NUP214: variants seen among roughly 807,000 people sequenced by gnomAD.
The protein encoded by NUP214 is nuclear pore complex protein Nup214.
Under a neutral mutation model 196.2 loss-of-function variants are expected in NUP214, and 79 were observed. The observed-to-expected ratio is 0.40, with a 90% CI of 0.34 to 0.49. The LOEUF is 0.49. Ranked by LOEUF, NUP214 falls within the 20% of genes least tolerant of loss-of-function variation. The pLI is 0.58. For missense variants in NUP214, 2,468 were observed against 2,539.0 expected, an observed-to-expected ratio of 0.97 and a Z score of 0.60; for synonymous variants, 1,020 against 990.5, an observed-to-expected ratio of 1.03 and a Z score of -0.56.
chr9:131,167,456 C>T (rs200212671), intron 21 of NUP214: 1 of 152,206 alleles, frequency 6.6e-6, no homozygotes, highest in Non-Finnish European at 1.5e-5. Flanking sequence ...CCGTGTGTGT[C>T]TCTCGGAGCA....
intron 12 of NUP214, among the ~76,000 whole-genome samples, chr9:131,145,018 CAAAT>C (rs971111373): frequency 6.6e-6 from 1 of 152,080 alleles, no homozygotes; most frequent in African/African-American, 2.4e-5. Context: ...TTTTACGTTA[CAAAT>C]GTAGGAAATA....
intron 22 of NUP214, 86 bp from the exon 23 acceptor site, chr9:131,175,373 AG>A: frequency 6.9e-7 from 1 of 1,449,196 alleles, no homozygotes; most frequent in Non-Finnish European, 9.5e-7. Flanking sequence ...TTTTCCCTGC[AG>A]TCGAACATAA....
At position 131,228,304 on chromosome 9, in the gene NUP214, C is replaced by T; in HGVS notation, c.6047C>T (p.Thr2016Ile). The change falls in exon 33 of 36, where the codon ACT becomes ATT. Residue 2016 changes from threonine (T) to isoleucine (I), a missense_variant. Thr to Ile is a moderately conservative substitution (Grantham distance 89, BLOSUM62 -1). Transcript: ENST00000359428. ...GGAGGCAAAGTGTTCGGAGAGGGCA[C>T]TGCAGCTGCCAGCGCAGGAGGATTC... ...STGGKVFGEG[T>I]AAASAGGFGF... 6.3e-7 allele frequency: 1 copy of T among 1,598,076 alleles called. No homozygotes were observed.
rs1019161446 is a variant in NUP214 at position 131,214,546 on chromosome 9, G to A, written c.5593-666G>A. Among the ~76,000 whole-genome samples the A allele has an allele frequency of 5.0e-4, 76 of 152,168 alleles. 1 individual carries two copies. The highest frequency in any genetic ancestry group is 1.5e-4 in the Non-Finnish European group (10 of 68,030). ...TGAATGGCCCCTCAAATGTAGCCCA[G>A]TTGTTCTTTAAGAACCAGCTTCCAG... On this transcript the variant is annotated intron_variant, in intron 30 of 35. Transcript: ENST00000359428.
At chr9:131,192,458 A>G in intron 27 of NUP214, 166 bp downstream of exon 27, 1 of 453,894 alleles carries the variant, frequency 2.2e-6, no homozygotes, top group Middle Eastern at 5.4e-4. Flanking sequence ...GTTCTCATGT[A>G]AATCGATTTT....
At chr9:131,178,812 C>G (rs1201442476) in intron 24 of NUP214, among the ~76,000 whole-genome samples, 1 of 151,754 alleles carries the variant, frequency 6.6e-6, no homozygotes, top group Non-Finnish European at 1.5e-5. Context: ...TCCTCCCTCA[C>G]TTCCCTTCTC....
At chr9:131,157,004 A>G (rs1176726434) in intron 17 of NUP214, among the ~76,000 whole-genome samples, 10 of 152,100 alleles carry the variant, frequency 6.6e-5, no homozygotes, top group Non-Finnish European at 1.3e-4. Context: ...TTTGCTATGT[A>G]GCCCAGGAGT....
chr9:131,233,194 C>T (rs1834924421), intron 35 of NUP214, among the ~76,000 whole-genome samples: 1 of 151,826 alleles, frequency 6.6e-6, no homozygotes, highest in African/African-American at 2.4e-5. Flanking sequence ...CAAGAATTAG[C>T]CAGGCGTGGT....
chr9:131,159,209 C>T (rs779900916), intron 17 of NUP214, 174 bp from the exon 18 acceptor site: 10 of 600,518 alleles, frequency 1.7e-5, no homozygotes, highest in African/African-American at 5.6e-5. Context: ...CCACTACACC[C>T]GGCCTCATTT....
At chr9:131,128,535 C>G (rs754178937) in intron 3 of NUP214, 52 bp downstream of exon 3, 46 of 1,483,458 alleles carry the variant, frequency 3.1e-5, no homozygotes, top group Non-Finnish European at 3.9e-5. Context: ...AGCAGATTTC[C>G]TTGTATTGAA....
intron 17 of NUP214, among the ~76,000 whole-genome samples, chr9:131,157,303 G>A (rs1832482464): frequency 1.3e-5 from 2 of 151,880 alleles, no homozygotes; most frequent in Non-Finnish European, 2.9e-5. Flanking sequence ...TAGGACTACA[G>A]GCACACGCCA....
chr9:131,199,673 CA>C (rs1833891401), intron 29 of NUP214, among the ~76,000 whole-genome samples: 1 of 152,190 alleles, frequency 6.6e-6, no homozygotes, highest in African/African-American at 2.4e-5. Flanking sequence ...TATCAATAAG[CA>C]AGGCAATTTG....
At chr9:131,141,863 T>C (rs1229600019) in intron 11 of NUP214, 1 of 152,240 alleles carries the variant, frequency 6.6e-6, no homozygotes, top group African/African-American at 2.4e-5. Context: ...TGTGAGTATA[T>C]AACTGATACA....
In NUP214 at chr9:131,195,322, C is replaced by T. The variant is rs375694469; in HGVS notation, c.3721+28C>T. The T allele has an allele frequency of 1.2e-5, 19 of 1,577,616 alleles. No homozygotes were observed. In the African/African-American group the frequency reaches 2.6e-4, roughly 21 times the overall value. On this transcript the variant is annotated intron_variant, in intron 28 of 35. Coordinates refer to ENST00000359428, the MANE Select transcript of NUP214 (RefSeq NM_005085.4). ...ACAGACTCTGTGTTGAGTAGCATTA[C>T]TCATGTGTTTTCTCTAAATAAGTAC... is the stretch of plus-strand genomic sequence containing the variant.
In NUP214 at chr9:131,189,054, G is replaced by T; in HGVS notation, c.3497G>T (p.Gly1166Val). ...TPVAANQAKQ[G>V]SLINSLKPSG... The stretch of plus-strand genomic sequence containing the variant: ...CATTTTGCTTGCATTCTGTTATAGG[G>T]GTCTCTAATAAATTCCCTTAAGCCA... Residue 1166 changes from glycine (G) to valine (V), a missense_variant and splice_region_variant, in exon 26 of 36, where the codon GGG (glycine) becomes GTG (valine). By Grantham distance (109) the Gly-to-Val change is moderately radical. This residue lies in a region of NUP214 where 1,801 missense variants were observed against 1,779.4 expected (regional missense o/e 1.01). Transcript: ENST00000359428. 1 of 1,611,616 alleles carries T rather than the reference G, an allele frequency of 6.2e-7. No individual in the cohort carries two copies. Among genetic ancestry groups the T allele is most frequent in the Non-Finnish European group, 8.5e-7 (1 of 1,177,794 alleles).
At chr9:131,231,294 G>A (rs1462857421) in intron 34 of NUP214, among the ~76,000 whole-genome samples, 1 of 152,024 alleles carries the variant, frequency 6.6e-6, no homozygotes. Flanking sequence ...CCGGGTTCAC[G>A]CCATTCTCCT....
chr9:131,130,955 T>C (rs1463454147), intron 5 of NUP214, 119 bp downstream of exon 5: 2 of 724,636 alleles, frequency 2.8e-6, no homozygotes, highest in Non-Finnish European at 4.7e-6. Context: ...TTGTAACAAA[T>C]CCATCAGTGA....
Position 131,234,007 on chromosome 9 carries a change from C to T in NUP214, c.*520C>T, listed in dbSNP as rs544548708. ...CAGGACCATCCAAGGACGCACTCTG[C>T]GATTGAGTGGAGGCAGAGGAAGCCA... On this transcript the variant is annotated 3_prime_UTR_variant, in exon 36 of 36. Transcript: ENST00000359428. 5.0e-5 allele frequency: 13 copies of T among 259,146 alleles called. No individual in the cohort carries two copies. In the East Asian group the frequency reaches 6.3e-4, roughly 13 times the overall value. 16.1% of individuals were successfully genotyped at this position (259,146 alleles called of 1,614,324 possible). A position where few individuals can be genotyped will look rare whatever the true frequency, so the allele number is the denominator to read the frequency against.
chr9:131,174,701 G>C (rs1833065919), intron 22 of NUP214, among the ~76,000 whole-genome samples: 1 of 151,926 alleles, frequency 6.6e-6, no homozygotes, highest in Non-Finnish European at 1.5e-5. Flanking sequence ...TGATCCACCT[G>C]CCTTGGCCTC....
Sources: gnomAD v4.1 joint callset for allele counts (sites outside exome capture counted in the v4.1 genomes callset) on GRCh38, gnomAD v4.1.1 for gene constraint, gnomAD v4.1.1 regional missense constraint, MANE v1.5 for transcripts, NCBI Gene and HGNC (gene_info 2026-07-23, HGNC 2026-07-21) for gene names.